Variants in GFOD2 observed in about 807,000 individuals in gnomAD.
GFOD2 encodes the protein glucose-fructose oxidoreductase domain-containing protein 2.
Under a neutral mutation model 24.6 loss-of-function variants are expected in GFOD2, and 9 were observed. That is an observed-to-expected ratio of 0.37 (90% CI 0.22 to 0.64). The LOEUF (loss-of-function observed/expected upper bound fraction) is 0.64, where lower values mean the gene tolerates loss of function less well. Ranked by LOEUF, GFOD2 falls within the 30% of genes least tolerant of loss-of-function variation. The probability of loss-of-function intolerance (pLI) is 0.65; values close to 1 mark genes in which losing one functional copy is unlikely to be tolerated. For synonymous variants in GFOD2, 211 were observed against 224.8 expected, an observed-to-expected ratio of 0.94 and a Z score of 0.55; for missense variants, 476 against 532.5, an observed-to-expected ratio of 0.89 and a Z score of 1.04.
intron 1 of GFOD2, among the ~76,000 whole-genome samples, chr16:67,702,407 G>A (rs1409361716): frequency 6.6e-6 from 1 of 151,784 alleles, no homozygotes; most frequent in African/African-American, 2.4e-5. Context: ...CTGGGAGGCA[G>A]AGGTTGCAGT....
chr16:67,695,819 A>ATAT (rs2053354457), intron 1 of GFOD2, among the ~76,000 whole-genome samples: 1 of 152,020 alleles, frequency 6.6e-6, no homozygotes, highest in Non-Finnish European at 1.5e-5. Context: ...TACAGGCATA[A>ATAT]GCCACTGTGC....
intron 1 of GFOD2, among the ~76,000 whole-genome samples, chr16:67,687,454 C>T (rs371427430): frequency 6.6e-6 from 1 of 151,482 alleles, no homozygotes; most frequent in South Asian, 2.1e-4. Context: ...TCCTCACTAA[C>T]ACAGTGAAAC....
At chr16:67,688,811 T>C (rs1368809104) in intron 1 of GFOD2, among the ~76,000 whole-genome samples, 1 of 150,048 alleles carries the variant, frequency 6.7e-6, no homozygotes, top group Non-Finnish European at 1.5e-5. Flanking sequence ...CTTGGCTCAC[T>C]GCAAGCTCCG....
In GFOD2 at chr16:67,685,619, G is replaced by A. The variant is rs760739418; in HGVS notation, c.97C>T (p.Leu33=). The A allele has an allele frequency of 5.0e-6, 8 of 1,614,176 alleles. No homozygotes were observed. Among genetic ancestry groups the A allele is most frequent in the Admixed American group, 1.7e-5 (1 of 60,010 alleles). ...LRAEGFTVEA[L]WGKTEEEAKQ... ...GCCTCCTCCTCAGTCTTCCCCCACA[G>A]GGCCTCAACAGTGAACCCTTCTGCC... Residue 33 remains leucine (L), a synonymous_variant, in exon 2 of 3, where the codon CTG becomes TTG. Transcript: ENST00000268797.
intron 2 of GFOD2, chr16:67,677,063 T>C (rs138590259): frequency 1.3e-5 from 2 of 152,156 alleles, no homozygotes; most frequent in East Asian, 3.9e-4. Flanking sequence ...TTACAAGTCA[T>C]AGTAAGCCAG....
Position 67,675,005 on chromosome 16 carries a change from G to C in GFOD2, c.*150C>G. ...AGTCTGAGGAGCAGATGAGCCACTG[G>C]AGGGGGCGAAGTCCCAGAGCCACCT... On this transcript the variant is annotated 3_prime_UTR_variant, in exon 3 of 3. Transcript: ENST00000268797. 1.2e-6 allele frequency: 1 copy of C among 837,794 alleles called. No homozygotes were observed. The highest frequency in any genetic ancestry group is 1.9e-6 in the Non-Finnish European group (1 of 535,218). 51.9% of individuals were successfully genotyped at this position (837,794 alleles called of 1,614,324 possible). A position where few individuals can be genotyped will look rare whatever the true frequency, so the allele number is the denominator to read the frequency against.
chr16:67,675,451 C>T lies in GFOD2; in HGVS notation c.862G>A (p.Gly288Ser). The change falls in exon 3 of 3, where the codon GGC becomes AGC. Residue 288 changes from glycine to serine, a missense_variant. Physicochemically the swap from Gly to Ser is moderately conservative, Grantham distance 56. Transcript: ENST00000268797. ...ELLLRDSLAV[G>S]AGLPEQGPQD... ...GGCCCCTGCTCAGGCAGTCCTGCGC[C>T]CACTGCCAGCGAGTCCCTCAAGAGC... 1 of 1,612,376 alleles carries T rather than the reference C, an allele frequency of 6.2e-7. No homozygotes were observed. Among genetic ancestry groups the T allele is most frequent in the African/African-American group, 1.3e-5 (1 of 75,076 alleles).
chr16:67,680,266 C>G (rs2053215312), intron 2 of GFOD2, among the ~76,000 whole-genome samples: 1 of 152,118 alleles, frequency 6.6e-6, no homozygotes, highest in African/African-American at 2.4e-5. Context: ...ACAGGTGTGG[C>G]AGTGCACAGC....
chr16:67,683,690 C>G (rs2053244657), intron 2 of GFOD2: 1 of 1,230,940 alleles, frequency 8.1e-7, no homozygotes, highest in African/African-American at 1.6e-5. Context: ...TCCCTACCCA[C>G]TGAGCCAGAG....
intron 2 of GFOD2, among the ~76,000 whole-genome samples, chr16:67,679,926 G>A (rs1045408439): frequency 4.0e-5 from 6 of 151,574 alleles, no homozygotes; most frequent in African/African-American, 1.5e-4. Context: ...AAAAAACAGG[G>A]TCTTGCTTTG....
intron 1 of GFOD2, among the ~76,000 whole-genome samples, chr16:67,713,089 G>A (rs1316688132): frequency 6.7e-6 from 1 of 149,684 alleles, no homozygotes; most frequent in African/African-American, 2.5e-5. Context: ...TCGCCATCTT[G>A]GTCAGGCTGG....
chr16:67,676,037 C>A lies in GFOD2; in HGVS notation c.276G>T (p.Val92=). The change falls in exon 3 of 3, where the codon GTG becomes GTT. Residue 92 remains valine, a synonymous_variant. Coordinates refer to ENST00000268797, the MANE Select transcript of GFOD2 (RefSeq NM_030819.4). Reference sequence around the variant, plus strand: ...CCGATGTTGCTGCCTTCTCGCAAACCACATTCTTCCCAATACCTAACAACA... The same window carrying A: ...CCGATGTTGCTGCCTTCTCGCAAACAACATTCTTCCCAATACCTAACAACA... ...SVKALGIGKN[V]VCEKAATSVD... is the part of the protein sequence containing the mutation. 6.2e-7 allele frequency: 1 copy of A among 1,610,212 alleles called. No individual in the cohort carries two copies. The highest frequency in any genetic ancestry group is 8.5e-7 in the Non-Finnish European group (1 of 1,177,856).
Position 67,675,319 on chromosome 16 carries a change from CAG to C in GFOD2, c.992_993del (p.Pro331ArgfsTer47). 8 of 1,613,198 alleles carry C rather than the reference CAG, an allele frequency of 5.0e-6. No individual in the cohort carries two copies. The highest frequency in any genetic ancestry group is 6.8e-6 in the Non-Finnish European group (8 of 1,180,020). On this transcript the variant is annotated frameshift_variant, in exon 3 of 3. Coordinates refer to ENST00000268797, the MANE Select transcript of GFOD2 (RefSeq NM_030819.4). LOFTEE classifies it high-confidence loss of function. ...QGDRRTWDRT[P>X]VSMAASFEDG... is the part of the protein sequence containing the mutation. ...TCCTCGAAGGAGGCGGCCATGGAGA[CAG>C]GGGTGCGGTCCCAGGTGCGGCGGTC...
chr16:67,703,872 A>G (rs2053420771), intron 1 of GFOD2, among the ~76,000 whole-genome samples: 1 of 152,176 alleles, frequency 6.6e-6, no homozygotes, highest in Non-Finnish European at 1.5e-5. Flanking sequence ...GCCCCTGGCA[A>G]CCACCATTCT....
At chr16:67,691,268 C>G (rs2053310701) in intron 1 of GFOD2, among the ~76,000 whole-genome samples, 1 of 152,120 alleles carries the variant, frequency 6.6e-6, no homozygotes, top group African/African-American at 2.4e-5. Context: ...AGTGCAATGG[C>G]TTGATCATGG....
intron 1 of GFOD2, among the ~76,000 whole-genome samples, chr16:67,692,345 G>GCAGA (rs1413120986): frequency 6.6e-6 from 1 of 151,954 alleles, no homozygotes; most frequent in African/African-American, 2.4e-5. Flanking sequence ...ATTTTGGGAG[G>GCAGA]CAGAGGTGGG....
intron 1 of GFOD2, among the ~76,000 whole-genome samples, chr16:67,698,929 T>G (rs1457001902): frequency 6.6e-6 from 1 of 152,142 alleles, no homozygotes. Context: ...CACTAGGATT[T>G]GGGATTATCA....
At chr16:67,686,246 T>C (rs2142993893) in intron 1 of GFOD2, among the ~76,000 whole-genome samples, 1 of 152,308 alleles carries the variant, frequency 6.6e-6, no homozygotes, top group South Asian at 2.1e-4. Flanking sequence ...ATTGTGCTAC[T>C]GCACTCCAGC....
intron 1 of GFOD2, among the ~76,000 whole-genome samples, chr16:67,713,343 A>G (rs1255157980): frequency 1.3e-5 from 2 of 152,178 alleles, no homozygotes; most frequent in African/African-American, 4.8e-5. Flanking sequence ...CTCCCCACAC[A>G]CCAAGCAAGC....
Sources: allele counts gnomAD v4.1 joint callset (sites outside exome capture counted in the v4.1 genomes callset), GRCh38; gene constraint gnomAD v4.1.1; transcripts MANE v1.5; gene names NCBI Gene and HGNC (gene_info 2026-07-23, HGNC 2026-07-21).